DLG2: variants seen among roughly 807,000 people sequenced by gnomAD.
The protein encoded by DLG2 is disks large homolog 2.
DLG2 carries 45 observed loss-of-function variants against 132.5 expected under a neutral mutation model. That is an observed-to-expected ratio of 0.34 (90% confidence interval 0.27 to 0.44). The LOEUF is 0.44. Among genes scored for constraint, DLG2 ranks in the 20% least tolerant of loss-of-function variants. The pLI is 1.00. For missense variants in DLG2, 1,045 were observed against 1,196.9 expected (o/e 0.87, Z 1.87); for synonymous variants, 424 against 419.6 (o/e 1.01, Z -0.13).
intron 6 of DLG2, among the ~76,000 whole-genome samples, chr11:84,682,521 C>T (rs1320171796): frequency 6.6e-6 from 1 of 152,144 alleles, no homozygotes; most frequent in South Asian, 2.1e-4. Context: ...GGTGCTCCTC[C>T]ACGGCTTTCC....
intron 18 of DLG2, chr11:83,720,960 A>G (rs1167725369): frequency 6.6e-6 from 1 of 152,108 alleles, no homozygotes; most frequent in Non-Finnish European, 1.5e-5. Context: ...GGGTGAATCA[A>G]CTAATCTGAT....
chr11:84,960,647 C>T (rs1463007906), intron 6 of DLG2, among the ~76,000 whole-genome samples: 5 of 151,964 alleles, frequency 3.3e-5, no homozygotes, highest in Admixed American at 2.6e-4. Context: ...CCGTATTGCC[C>T]AGGTTGGTCT....
At chr11:85,472,335 C>T (rs2093010872) in intron 3 of DLG2, among the ~76,000 whole-genome samples, 2 of 152,172 alleles carry the variant, frequency 1.3e-5, no homozygotes, top group Non-Finnish European at 2.9e-5. Flanking sequence ...CAGAGTCTCA[C>T]TCTGTCACCA....
At chr11:84,218,297 GAGAA>G (rs1228086638) in intron 8 of DLG2, among the ~76,000 whole-genome samples, 9 of 139,602 alleles carry the variant, frequency 6.4e-5, no homozygotes, top group Admixed American at 6.1e-4. Context: ...AAGAGAGAAA[GAGAA>G]AGAAAGAGAG....
At chr11:83,777,582 A>C (rs1459703130) in intron 18 of DLG2, among the ~76,000 whole-genome samples, 4 of 152,232 alleles carry the variant, frequency 2.6e-5, no homozygotes, top group Admixed American at 1.3e-4. Context: ...TTAGGCCACA[A>C]TGGTTCTATA....
chr11:84,318,849 C>A (rs557580428), intron 7 of DLG2, among the ~76,000 whole-genome samples: 27 of 152,066 alleles, frequency 1.8e-4, no homozygotes, highest in Non-Finnish European at 3.4e-4. Context: ...TTCACACCGT[C>A]CACCACAAAA....
At chr11:83,770,673 AAGCCAGATATTATACTTGATTTTCTTTAT>A (rs1269056885) in intron 18 of DLG2, among the ~76,000 whole-genome samples, 1 of 152,210 alleles carries the variant, frequency 6.6e-6, no homozygotes, top group African/African-American at 2.4e-5. Context: ...TTATGCTTAA[AAGCCAGATATTATACTTGATTTTCTTTAT>A]AGCTTGTTCT....
chr11:83,875,190 T>C (rs1033751362), intron 15 of DLG2, among the ~76,000 whole-genome samples: 2 of 152,160 alleles, frequency 1.3e-5, no homozygotes, highest in African/African-American at 2.4e-5. Flanking sequence ...TCCAGCTGCA[T>C]ATCAATCTTC....
At chr11:84,801,300 C>CTCA (rs371084493) in intron 6 of DLG2, among the ~76,000 whole-genome samples, 1 of 152,140 alleles carries the variant, frequency 6.6e-6, no homozygotes, top group South Asian at 2.1e-4. Context: ...GGCCAGGCGC[C>CTCA]ATGACTCACG....
chr11:85,298,014 G>A (rs914379368), intron 3 of DLG2, among the ~76,000 whole-genome samples: 6 of 152,168 alleles, frequency 3.9e-5, no homozygotes, highest in African/African-American at 1.4e-4. Context: ...TCCTAGCTAA[G>A]TAGAGTGACG....
chr11:84,882,175 C>T (rs139936480), intron 6 of DLG2, among the ~76,000 whole-genome samples: 13 of 152,046 alleles, frequency 8.6e-5, no homozygotes, highest in Non-Finnish European at 1.6e-4. Context: ...GGTGGGAGAT[C>T]ACTATAAGAA....
At chr11:84,260,523 T>C (rs1299192050) in intron 7 of DLG2, among the ~76,000 whole-genome samples, 1 of 152,192 alleles carries the variant, frequency 6.6e-6, no homozygotes, top group Non-Finnish European at 1.5e-5. Flanking sequence ...ATAAAGTATA[T>C]CACACACATT....
intron 6 of DLG2, among the ~76,000 whole-genome samples, chr11:84,954,336 G>A (rs1251556753): frequency 2.1e-5 from 3 of 143,290 alleles, no homozygotes; most frequent in Non-Finnish European, 4.5e-5. Flanking sequence ...AGTCAAGGGA[G>A]GCATCTTAAA....
chr11:85,107,445 A>C (rs1334950451), intron 6 of DLG2, among the ~76,000 whole-genome samples: 1 of 152,070 alleles, frequency 6.6e-6, no homozygotes, highest in Non-Finnish European at 1.5e-5. Context: ...GGCCATAGCC[A>C]TACTGAGTGG....
chr11:84,636,727 T>A (rs1198508714), intron 6 of DLG2, among the ~76,000 whole-genome samples: 1 of 152,114 alleles, frequency 6.6e-6, no homozygotes, highest in Non-Finnish European at 1.5e-5. Flanking sequence ...TTTGCTATTA[T>A]AAGGTACTTG....
chr11:84,655,743 T>G (rs966119452), intron 6 of DLG2, among the ~76,000 whole-genome samples: 35 of 151,632 alleles, frequency 2.3e-4, no homozygotes, highest in African/African-American at 7.3e-4. Context: ...TGTTTGTTTT[T>G]TTTTTTTTTC....
At chr11:83,538,987 T>G (rs1022763346) in intron 20 of DLG2, among the ~76,000 whole-genome samples, 1 of 152,200 alleles carries the variant, frequency 6.6e-6, no homozygotes, top group African/African-American at 2.4e-5. Flanking sequence ...CAAATTCCAG[T>G]TCTGCCACTT....
chr11:85,344,496 A>G (rs1481393424), intron 3 of DLG2, among the ~76,000 whole-genome samples: 1 of 152,240 alleles, frequency 6.6e-6, no homozygotes, highest in African/African-American at 2.4e-5. Flanking sequence ...TCATATAAAG[A>G]ATTTATGATA....
intron 3 of DLG2, among the ~76,000 whole-genome samples, chr11:85,377,277 C>A (rs2085481279): frequency 6.6e-6 from 1 of 152,150 alleles, no homozygotes; most frequent in African/African-American, 2.4e-5. Flanking sequence ...CTTAGCAAGG[C>A]ATCTAAGAAC....
Sources: allele counts gnomAD v4.1 joint callset (sites outside exome capture counted in the v4.1 genomes callset), GRCh38; gene constraint gnomAD v4.1.1; transcripts MANE v1.5; gene names NCBI Gene and HGNC (gene_info 2026-07-23, HGNC 2026-07-21).